Variants in ATP4A observed in about 807,000 individuals in gnomAD.
The protein encoded by ATP4A is ATPase H+/K+ transporting subunit alpha, also known as potassium-transporting ATPase alpha chain 1.
A neutral mutation model predicts 112.1 loss-of-function variants in ATP4A; 73 were observed. The observed-to-expected ratio is 0.65, with a 90% CI of 0.54 to 0.79. The LOEUF (loss-of-function observed/expected upper bound fraction) is 0.79. Among genes scored for constraint, ATP4A ranks in the 30% least tolerant of loss-of-function variants. The pLI, the probability that ATP4A is intolerant of heterozygous loss-of-function variation, is 0.00. For synonymous variants in ATP4A, 588 were observed against 588.9 expected (o/e 1.00, Z 0.02); for missense variants, 1,081 against 1,425.9 (o/e 0.76, Z 3.90).
In ATP4A at chr19:35,559,552, A is replaced by G. The variant is rs1271211215; in HGVS notation, c.1056+253T>C. On this transcript the variant is annotated intron_variant, in intron 7 of 21. Coordinates refer to ENST00000262623, the MANE Select transcript of ATP4A (RefSeq NM_000704.3). The surrounding 1 kb of genome is among the most constrained non-coding windows in gnomAD (Gnocchi z 4.1). ...GTCTGGTGACATGCTGGCTGCCTGC[A>G]CAGGACATCAGCCTCTTCCAGTTAA... Among the ~76,000 whole-genome samples, 1 of 152,232 alleles carries G rather than the reference A, an allele frequency of 6.6e-6. No homozygotes were observed. Among genetic ancestry groups the G allele is most frequent in the East Asian group, 1.9e-4 (1 of 5,196 alleles).
At position 35,560,552 on chromosome 19, in the gene ATP4A, C is replaced by G. The variant is rs200594437; in HGVS notation, c.598G>C (p.Asp200His). 1.2e-6 allele frequency: 2 copies of G among 1,613,364 alleles called. No individual in the cohort carries two copies. Among genetic ancestry groups the G allele is most frequent in the Admixed American group, 3.3e-5 (2 of 59,984 alleles). ...TCCCCACCTTTCATCTCCACCAGGT[C>G]GCCCACCACCAGTTGGTCAGCGTTG... ...QINADQLVVG[D>H]LVEMKGGDRV... The change falls in exon 6 of 22, where the codon GAC becomes CAC. Residue 200 changes from aspartate to histidine, a missense_variant. Coordinates refer to ENST00000262623, the MANE Select transcript of ATP4A (RefSeq NM_000704.3). The surrounding 1 kb of genome is among the most constrained non-coding windows in gnomAD (Gnocchi z 5.1).
In ATP4A at chr19:35,559,142, A is replaced by G; in HGVS notation, c.1106T>C (p.Val369Ala). The G allele has an allele frequency of 6.2e-7, 1 of 1,614,130 alleles. No homozygotes were observed. The highest frequency in any genetic ancestry group is 8.5e-7 in the Non-Finnish European group (1 of 1,180,034). The change falls in exon 8 of 22, where the codon GTC becomes GCC. Residue 369 changes from valine (V) to alanine (A), a missense_variant. This residue lies in a region of ATP4A where 850 missense variants were observed against 1,068.2 expected (regional missense o/e 0.80). Coordinates refer to ENST00000262623, the MANE Select transcript of ATP4A (RefSeq NM_000704.3). This position sits in a 1 kb window ranked among gnomAD's most constrained non-coding sequence, Gnocchi z 4.1. ...AKRLASKNCV[V>A]KNLEAVETLG... ...TGTCTCCACCGCCTCCAGGTTCTTG[A>G]CCACGCAGTTCTTACTGGCCAGGCG...
At position 35,557,634 on chromosome 19, in the gene ATP4A, TC is replaced by T; in HGVS notation, c.1693+20del. On this transcript the variant is annotated intron_variant, in intron 11 of 21. Transcript: ENST00000262623. The surrounding 1 kb of genome is among the most constrained non-coding windows in gnomAD (Gnocchi z 4.4). ...GCTCCTCCTCGCACCTGGAGTCTCCTCCCCTGCCCAGGGGTCTCACCGAGCA... is the reference window on the plus strand; with the variant it reads ...GCTCCTCCTCGCACCTGGAGTCTCCTCCCTGCCCAGGGGTCTCACCGAGCA... 6.3e-7 allele frequency: 1 copy of T among 1,592,474 alleles called. No homozygotes were observed. Among genetic ancestry groups the T allele is most frequent in the Admixed American group, 1.7e-5 (1 of 57,834 alleles).
chr19:35,558,407 G>A lies in ATP4A; in HGVS notation c.1455C>T (p.Phe485=), dbSNP rs939233496. Residue 485 remains phenylalanine, a synonymous_variant, in exon 10 of 22, where the codon TTC becomes TTT. Coordinates refer to ENST00000262623, the MANE Select transcript of ATP4A (RefSeq NM_000704.3). The surrounding 1 kb of genome is among the most constrained non-coding windows in gnomAD (Gnocchi z 5.1). ...TGAAGGGTATCTCGCAGACTTTTGG[G>A]AAGCGGTCCCGGTAGCCCATGGCGT... is the stretch of plus-strand genomic sequence containing the variant. ...LGNAMGYRDR[F]PKVCEIPFNS... The A allele has an allele frequency of 8.7e-6, 14 of 1,611,182 alleles. No homozygotes were observed. The African/African-American group carries it at 1.6e-4, about 18-fold the overall frequency.
In ATP4A at chr19:35,560,947, G is replaced by T. The variant is rs200713173; in HGVS notation, c.421-15C>A. 1.3e-5 allele frequency: 21 copies of T among 1,611,792 alleles called. No homozygotes were observed. The East Asian group carries it at 4.5e-4, about 34-fold the overall frequency. On this transcript the variant is annotated splice_polypyrimidine_tract_variant and intron_variant, in intron 4 of 21. Transcript: ENST00000262623. This position sits in a 1 kb window ranked among gnomAD's most constrained non-coding sequence, Gnocchi z 5.1. ...GCCAGGTACAGCTGGGGACAGGGAAGGGGTGGGGTTATTCAGAGGGGCCGG... is the reference window on the plus strand; with the variant it reads ...GCCAGGTACAGCTGGGGACAGGGAATGGGTGGGGTTATTCAGAGGGGCCGG...
chr19:35,563,635 C>G lies in ATP4A; in HGVS notation c.-6G>C. 6.2e-7 allele frequency: 1 copy of G among 1,614,026 alleles called. No homozygotes were observed. Among genetic ancestry groups the G allele is most frequent in the Non-Finnish European group, 8.5e-7 (1 of 1,179,982 alleles). On this transcript the variant is annotated 5_prime_UTR_variant, in exon 1 of 22. Coordinates refer to ENST00000262623, the MANE Select transcript of ATP4A (RefSeq NM_000704.3). The stretch of plus-strand genomic sequence containing the variant: ...CCACTCACGGCCTTCCCCATGGTGC[C>G]CGGTGCCTGTGCTCCCACCCAACAG...
In ATP4A at chr19:35,559,868, G is replaced by A. The variant is rs1253078299; in HGVS notation, c.993C>T (p.Ala331=). Reference sequence around the variant, plus strand: ...CCACGATGGCCATGAAGAAGACCATGGCCCGCAGGAAGGTGTAGCCAATGC... The same window carrying A: ...CCACGATGGCCATGAAGAAGACCATAGCCCGCAGGAAGGTGTAGCCAATGC... The part of the protein sequence containing the change: ...AMCIGYTFLR[A]MVFFMAIVVA... Residue 331 remains alanine, a synonymous_variant, in exon 7 of 22, where the codon GCC becomes GCT. Transcript: ENST00000262623. The surrounding 1 kb of genome is among the most constrained non-coding windows in gnomAD (Gnocchi z 4.1). 1 of 1,614,220 alleles carries A rather than the reference G, an allele frequency of 6.2e-7. No homozygotes were observed. Among genetic ancestry groups the A allele is most frequent in the Admixed American group, 1.7e-5 (1 of 60,032 alleles).
Position 35,555,335 on chromosome 19 carries a change from C to A in ATP4A, c.2158-1G>T. ...CCCCCGTGACGGCCACAATCGCACC[C>A]TGCAGGCAGTGGGTGCAGGTGGTGG... On this transcript the variant is annotated splice_acceptor_variant, in intron 14 of 21. Coordinates refer to ENST00000262623, the MANE Select transcript of ATP4A (RefSeq NM_000704.3). LOFTEE classifies it high-confidence loss of function. This position sits in a 1 kb window ranked among gnomAD's most constrained non-coding sequence, Gnocchi z 6.6. 1.2e-6 allele frequency: 2 copies of A among 1,612,302 alleles called. No homozygotes were observed. Among genetic ancestry groups the A allele is most frequent in the Non-Finnish European group, 1.7e-6 (2 of 1,178,796 alleles).
intron 18 of ATP4A, 60 bp downstream of exon 18, chr19:35,552,977 A>G: frequency 6.6e-7 from 1 of 1,523,680 alleles, no homozygotes; most frequent in Non-Finnish European, 8.9e-7. Context: ...GCCGCACACA[A>G]GGCAAGTTGC....
rs1485296185 is a variant in ATP4A at position 35,562,500 on chromosome 19, C to T, written c.355G>A (p.Ala119Thr). The T allele has an allele frequency of 7.4e-6, 12 of 1,614,012 alleles. No individual in the cohort carries two copies. The highest frequency in any genetic ancestry group is 5.3e-5 in the African/African-American group (4 of 74,914). ...GCAAAGGCGATGAGGCAGATGGCGG[C>T]GGCAACCCACATGAGGCACTGCAGG... ...GGLQCLMWVA[A>T]AICLIAFAIQ... is the part of the protein sequence containing the mutation. The change falls in exon 4 of 22, where the codon GCC becomes ACC. Residue 119 changes from alanine to threonine, a missense_variant. This residue lies in a region of ATP4A where 850 missense variants were observed against 1,068.2 expected (regional missense o/e 0.80). Transcript: ENST00000262623.
In ATP4A at chr19:35,550,730, TG is replaced by T; in HGVS notation, c.3080-88del. The T allele has an allele frequency of 1.1e-5, 18 of 1,609,298 alleles. No individual in the cohort carries two copies. Among genetic ancestry groups the T allele is most frequent in the Non-Finnish European group, 1.5e-5 (18 of 1,175,932 alleles). On this transcript the variant is annotated intron_variant, in intron 21 of 21. Transcript: ENST00000262623. This position sits in a 1 kb window ranked among gnomAD's most constrained non-coding sequence, Gnocchi z 4.1. ...GCTCAGAGGTCAGTGCTGGTTGCTA[TG>T]GAGGGTCAAGGGCTTAGAGGCCAAG...
chr19:35,561,047 C>A, intron 4 of ATP4A, 115 bp from the exon 5 acceptor site: 1 of 817,326 alleles, frequency 1.2e-6, no homozygotes, highest in Non-Finnish European at 2.0e-6. Context: ...CTTTTCCCCA[C>A]CTACTAGGAA....
In ATP4A at chr19:35,559,840, C is replaced by T; in HGVS notation, c.1021G>A (p.Ala341Thr). Reference protein sequence around the residue: ...AMVFFMAIVVAYVPEGLLATV... With the variant: ...AMVFFMAIVVTYVPEGLLATV... Reference sequence around the variant, plus strand: ...GCCAGCAGCCCCTCAGGCACATAGGCCACCACGATGGCCATGAAGAAGACC... The same window carrying T: ...GCCAGCAGCCCCTCAGGCACATAGGTCACCACGATGGCCATGAAGAAGACC... The change falls in exon 7 of 22, where the codon GCC (alanine) becomes ACC (threonine). Residue 341 changes from alanine to threonine, a missense_variant. Physicochemically the swap from Ala to Thr is moderately conservative, Grantham distance 58. Around this residue, in one of 3 missense-constraint regions of ATP4A, gnomAD observed 850 missense variants for 1,068.2 expected, o/e 0.80. Transcript: ENST00000262623. This position sits in a 1 kb window ranked among gnomAD's most constrained non-coding sequence, Gnocchi z 4.1. 1 of 1,614,188 alleles carries T rather than the reference C, an allele frequency of 6.2e-7. No homozygotes were observed. The highest frequency in any genetic ancestry group is 8.5e-7 in the Non-Finnish European group (1 of 1,180,006).
In ATP4A at chr19:35,555,499, C is replaced by G. The variant is rs1372933155; in HGVS notation, c.2098G>C (p.Val700Leu). The stretch of plus-strand genomic sequence containing the variant: ...TGCTGGGGGCTGGTGCGCGCAAACA[C>G]CATCTCGGGGTGGGTGCGCAGGGCC... ...VEALRTHPEM[V>L]FARTSPQQKL... The change falls in exon 14 of 22, where the codon GTG becomes CTG. Residue 700 changes from valine (V) to leucine (L), a missense_variant. Coordinates refer to ENST00000262623, the MANE Select transcript of ATP4A (RefSeq NM_000704.3). The surrounding 1 kb of genome is among the most constrained non-coding windows in gnomAD (Gnocchi z 6.6). 5 of 1,609,186 alleles carry G rather than the reference C, an allele frequency of 3.1e-6. No individual in the cohort carries two copies. Among genetic ancestry groups the G allele is most frequent in the Non-Finnish European group, 4.2e-6 (5 of 1,177,100 alleles).
rs750669351 is a variant in ATP4A, at chr19:35,563,489, G to A, written c.51C>T (p.Gly17=). 1.4e-5 allele frequency: 23 copies of A among 1,613,884 alleles called. No homozygotes were observed. The highest frequency in any genetic ancestry group is 1.7e-5 in the Non-Finnish European group (20 of 1,180,002). Residue 17 remains glycine (G), a synonymous_variant, in exon 2 of 22, where the codon GGC becomes GGT. Coordinates refer to ENST00000262623, the MANE Select transcript of ATP4A (RefSeq NM_000704.3). ...YELYSVELGP[G]PGGDMAAKMS... ...TCTTGGCAGCCATGTCCCCGCCAGGGCCAGGACCCAGCTCCACCGAGTAGA... is the reference window on the plus strand; with the variant it reads ...TCTTGGCAGCCATGTCCCCGCCAGGACCAGGACCCAGCTCCACCGAGTAGA...
Position 35,557,833 on chromosome 19 carries a change from C to A in ATP4A, c.1515G>T (p.Thr505=). The change falls in exon 11 of 22, where the codon ACG becomes ACT. Residue 505 remains threonine (T), a synonymous_variant. Coordinates refer to ENST00000262623, the MANE Select transcript of ATP4A (RefSeq NM_000704.3). This position sits in a 1 kb window ranked among gnomAD's most constrained non-coding sequence, Gnocchi z 4.4. The part of the protein sequence containing the change: ...STNKFQLSIH[T]LEDPRDPRHL... ...GTCGCGGGTCCCGCGGGTCCTCCAG[C>A]GTATGGATGGACAGCTGTGGGCGGG... 6.9e-7 allele frequency: 1 copy of A among 1,444,178 alleles called. No homozygotes were observed. The highest frequency in any genetic ancestry group is 9.2e-7 in the Non-Finnish European group (1 of 1,083,560). The allele number at this position is 1,444,178 out of a possible 1,614,324, so 89.5% of individuals were successfully genotyped here.
At position 35,563,453 on chromosome 19, in the gene ATP4A, C is replaced by T. The variant is rs2071684519; in HGVS notation, c.87G>A (p.Lys29=). ...GGDMAAKMSK[K]KKAGGGGGKR... ...TGCCACCCCCGCCACCCGCCTTCTT[C>T]TTCTTGCTCATCTTGGCAGCCATGT... The change falls in exon 2 of 22, where the codon AAG becomes AAA. Residue 29 remains lysine (K), a synonymous_variant. Coordinates refer to ENST00000262623, the MANE Select transcript of ATP4A (RefSeq NM_000704.3). The T allele has an allele frequency of 6.2e-7, 1 of 1,609,396 alleles. No individual in the cohort carries two copies. Among genetic ancestry groups the T allele is most frequent in the African/African-American group, 1.3e-5 (1 of 74,788 alleles).
Position 35,557,664 on chromosome 19 carries a change from G to A in ATP4A, c.1684C>T (p.Arg562Cys). 6.2e-7 allele frequency: 1 copy of A among 1,606,948 alleles called. No individual in the cohort carries two copies. The highest frequency in any genetic ancestry group is 1.1e-5 in the South Asian group (1 of 89,822). The stretch of plus-strand genomic sequence containing the variant: ...TGCCCAGGGGTCTCACCGAGCACGC[G>A]TTCGCCCAGGCCTCCCAGGCTGAGG... ...AYLSLGGLGE[R>C]VLGFCQLYLN... The change falls in exon 11 of 22, where the codon CGC (arginine) becomes TGC (cysteine). Residue 562 changes from arginine (R) to cysteine (C), a missense_variant. By Grantham distance (180) the Arg-to-Cys change is radical. This residue lies in a region of ATP4A where 850 missense variants were observed against 1,068.2 expected (regional missense o/e 0.80). Coordinates refer to ENST00000262623, the MANE Select transcript of ATP4A (RefSeq NM_000704.3). The surrounding 1 kb of genome is among the most constrained non-coding windows in gnomAD (Gnocchi z 4.4).
Position 35,551,712 on chromosome 19 carries a change from T to G in ATP4A, c.2752-132A>C. 67 of 1,069,212 alleles carry G rather than the reference T, an allele frequency of 6.3e-5. No homozygotes were observed. The highest frequency in any genetic ancestry group is 3.2e-4 in the Middle Eastern group (1 of 3,116). 66.2% of individuals were successfully genotyped at this position (1,069,212 alleles called of 1,614,324 possible). On this transcript the variant is annotated intron_variant, in intron 18 of 21. Transcript: ENST00000262623. The surrounding 1 kb of genome is among the most constrained non-coding windows in gnomAD (Gnocchi z 5.2). ...GCTCTCTCTGCCTTGCATCAGAGTG[T>G]GGGGGTGGGGGGAAGGAGAGAGGCA...
Sources: gnomAD v4.1 joint callset for allele counts (sites outside exome capture counted in the v4.1 genomes callset) on GRCh38, gnomAD v4.1.1 for gene constraint, gnomAD v4.1.1 regional missense constraint, Gnocchi (gnomAD v3.1) non-coding constraint, MANE v1.5 for transcripts, NCBI Gene and HGNC (gene_info 2026-07-23, HGNC 2026-07-21) for gene names.